MTFR1: variants seen among roughly 807,000 people sequenced by gnomAD.
MTFR1 encodes the protein chondrocyte protein with a poly-proline region.
MTFR1 carries 28 observed loss-of-function variants against 38.8 expected under a neutral mutation model. That is an observed-to-expected ratio of 0.72 (90% CI 0.53 to 0.99). The LOEUF (loss-of-function observed/expected upper bound fraction) is 0.99, where lower values mean the gene tolerates loss of function less well. Among genes scored for constraint, MTFR1 ranks in the 50% least tolerant of loss-of-function variants. The pLI is 0.00. For missense variants in MTFR1, 358 were observed against 395.5 expected, an observed-to-expected ratio of 0.91 and a Z score of 0.81; for synonymous variants, 145 against 137.0, an observed-to-expected ratio of 1.06 and a Z score of -0.41.
chr8:65,724,795 GT>G, intron 3 of MTFR1: 1 of 1,607,510 alleles, frequency 6.2e-7, no homozygotes, highest in Non-Finnish European at 8.5e-7. Flanking sequence ...CCAAATGTCT[GT>G]GTCTGGTGTC....
At chr8:65,725,098 A>AT (rs1356056028) in intron 3 of MTFR1, among the ~76,000 whole-genome samples, 3 of 152,190 alleles carry the variant, frequency 2.0e-5, no homozygotes, top group Admixed American at 6.5e-5. Flanking sequence ...AAAAAAAGCC[A>AT]TTAAAATAAC....
rs764579651 is a variant in MTFR1, at chr8:65,704,806, A to T, written c.394A>T (p.Thr132Ser). 6.2e-7 allele frequency: 1 copy of T among 1,614,064 alleles called. No homozygotes were observed. The highest frequency in any genetic ancestry group is 8.5e-7 in the Non-Finnish European group (1 of 1,180,020). The change falls in exon 5 of 8, where the codon ACC becomes TCC. Residue 132 changes from threonine to serine, a missense_variant. Thr to Ser is a moderately conservative substitution (Grantham distance 58). Coordinates refer to ENST00000262146, the MANE Select transcript of MTFR1 (RefSeq NM_014637.4). ...DLSQEEPQLK[T>S]PALANEEALQ... Reference sequence around the variant, plus strand: ...GTCTCAAGAAGAGCCTCAGCTGAAGACCCCAGCGCTGGCAAATGAGGAAGC... The same window carrying T: ...GTCTCAAGAAGAGCCTCAGCTGAAGTCCCCAGCGCTGGCAAATGAGGAAGC...
chr8:65,738,122 T>G (rs1807232032), intron 3 of MTFR1, among the ~76,000 whole-genome samples: 1 of 152,040 alleles, frequency 6.6e-6, no homozygotes, highest in Admixed American at 6.5e-5. Context: ...TACACTATAG[T>G]CTATTAAGTG....
rs1179431555 is a variant in MTFR1, at chr8:65,730,171, C to CTTTTTTTTTTTTT, written c.*48+10704_*48+10716dup. ...TGTGAGGGATCCAGGTTGCGCACTT[C>CTTTTTTTTTTTTT]TTTTTTTTTTTTTTTTTTTTTTTTT... is the stretch of plus-strand genomic sequence containing the variant. On this transcript the variant is annotated intron_variant, in intron 3 of 3. Coordinates refer to the MTFR1 transcript ENST00000521247. Among the ~76,000 whole-genome samples the CTTTTTTTTTTTTT allele has an allele frequency of 8.3e-4, 72 of 86,438 alleles. 7 individuals carry two copies. Among genetic ancestry groups the CTTTTTTTTTTTTT allele is most frequent in the African/African-American group, 3.1e-3 (64 of 20,930 alleles). The allele number at this position is 86,438 out of a possible 152,430, so 56.7% of individuals were successfully genotyped here. A position where few individuals can be genotyped will look rare whatever the true frequency, so the allele number is the denominator to read the frequency against.
chr8:65,715,430 T>C (rs1806094385), downstream of MTFR1, among the ~76,000 whole-genome samples: 1 of 149,828 alleles, frequency 6.7e-6, no homozygotes, highest in Non-Finnish European at 1.5e-5. Flanking sequence ...TAGGCTGGAG[T>C]GCAGTAGCAC....
chr8:65,763,250 T>C (rs2128915653), intron 3 of MTFR1, among the ~76,000 whole-genome samples: 1 of 152,110 alleles, frequency 6.6e-6, no homozygotes, highest in African/African-American at 2.4e-5. Flanking sequence ...TTTAATAAAA[T>C]AGGGATATGG....
intron 4 of MTFR1, among the ~76,000 whole-genome samples, chr8:65,695,636 C>T (rs184648861): frequency 5.9e-5 from 9 of 152,230 alleles, no homozygotes; most frequent in Admixed American, 2.6e-4. Flanking sequence ...GGATTATAGG[C>T]GTGAGCCACC....
intron 2 of MTFR1, 197 bp from the exon 3 acceptor site, chr8:65,682,153 TTAA>T (rs1437372367): frequency 4.0e-6 from 1 of 252,636 alleles, no homozygotes; most frequent in Non-Finnish European, 7.4e-6. Flanking sequence ...CTTTATTGAA[TTAA>T]TAATATCTAT....
intron 3 of MTFR1, chr8:65,726,883 TA>T: frequency 6.3e-7 from 1 of 1,579,698 alleles, no homozygotes; most frequent in Non-Finnish European, 8.7e-7. Context: ...ACCTGCTTTC[TA>T]ATGGCAGATG....
rs1002130873 is a variant in MTFR1 at position 65,725,050 on chromosome 8, A to G, written c.*48+5569A>G. 4 of 488,478 alleles carry G rather than the reference A, an allele frequency of 8.2e-6. No individual in the cohort carries two copies. The Admixed American group carries it at 1.6e-4, about 20-fold the overall frequency. The allele number at this position is 488,478 out of a possible 1,614,324, so 30.3% of individuals were successfully genotyped here. A position where few individuals can be genotyped will look rare whatever the true frequency, so the allele number is the denominator to read the frequency against. On this transcript the variant is annotated intron_variant, in intron 3 of 3. Coordinates refer to the MTFR1 transcript ENST00000521247. ...AATATCCAACTATCATTCAATTTAAAATTTATCACACAAAAAATGAGTTTT... is the reference window on the plus strand; with the variant it reads ...AATATCCAACTATCATTCAATTTAAGATTTATCACACAAAAAATGAGTTTT...
intron 1 of MTFR1, among the ~76,000 whole-genome samples, chr8:65,651,449 T>C (rs1015858328): frequency 8.9e-4 from 135 of 152,358 alleles, no homozygotes; most frequent in African/African-American, 3.1e-3. Context: ...TAGATTTAAG[T>C]CTTTAATCCA....
At chr8:65,716,071 T>C (rs1015508375) in intron 2 of MTFR1, among the ~76,000 whole-genome samples, 9 of 146,278 alleles carry the variant, frequency 6.2e-5, no homozygotes, top group South Asian at 2.3e-4. Flanking sequence ...GGTGGGAGGA[T>C]TGCTTGAGCC....
chr8:65,772,630 T>C (rs150794868), downstream of MTFR1, among the ~76,000 whole-genome samples: 1 of 152,262 alleles, frequency 6.6e-6, no homozygotes, highest in Non-Finnish European at 1.5e-5. Flanking sequence ...TTAAGATTCA[T>C]AACTGGAAAT....
At chr8:65,718,732 C>G (rs929520913) in intron 2 of MTFR1, 7 of 153,918 alleles carry the variant, frequency 4.5e-5, no homozygotes, top group Admixed American at 6.4e-5. Flanking sequence ...GAGCTGCAGT[C>G]TAAAGTTTGA....
At chr8:65,735,161 T>TA (rs1416108240) in intron 3 of MTFR1, among the ~76,000 whole-genome samples, 2 of 152,148 alleles carry the variant, frequency 1.3e-5, no homozygotes, top group Non-Finnish European at 2.9e-5. Flanking sequence ...TTGACAGCCC[T>TA]AGCAGCATAA....
intron 1 of MTFR1, among the ~76,000 whole-genome samples, chr8:65,664,526 T>C (rs1408807901): frequency 1.3e-5 from 2 of 152,074 alleles, no homozygotes; most frequent in African/African-American, 4.8e-5. Flanking sequence ...TATATACATA[T>C]ATAAAAATTT....
At chr8:65,704,373 T>C (rs979080160) in intron 4 of MTFR1, among the ~76,000 whole-genome samples, 1 of 152,194 alleles carries the variant, frequency 6.6e-6, no homozygotes, top group Non-Finnish European at 1.5e-5. Flanking sequence ...ATAAAAAGCT[T>C]CTTCTTAGTT....
chr8:65,701,056 A>G (rs1805601166), intron 4 of MTFR1, among the ~76,000 whole-genome samples: 1 of 152,182 alleles, frequency 6.6e-6, no homozygotes, highest in Admixed American at 6.5e-5. Context: ...ACTGCCCCTC[A>G]CATGTGAACA....
chr8:65,763,336 C>T (rs550028178), intron 3 of MTFR1, among the ~76,000 whole-genome samples: 4 of 152,058 alleles, frequency 2.6e-5, no homozygotes, highest in South Asian at 2.1e-4. Context: ...GAGGCTGAGG[C>T]GGGTGGATCA....
Sources: allele counts gnomAD v4.1 joint callset (sites outside exome capture counted in the v4.1 genomes callset), GRCh38; gene constraint gnomAD v4.1.1; transcripts MANE v1.5; gene names NCBI Gene and HGNC (gene_info 2026-07-23, HGNC 2026-07-21).